Variants in GABRB2 observed in about 807,000 individuals in gnomAD.
GABRB2 encodes the protein gamma-aminobutyric acid type A receptor subunit beta2.
GABRB2 carries 16 observed loss-of-function variants against 54.7 expected under a neutral mutation model. The observed-to-expected ratio is 0.29, with a 90% confidence interval of 0.20 to 0.44. GABRB2 has a LOEUF of 0.44. Ranked by LOEUF, GABRB2 falls within the 20% of genes least tolerant of loss-of-function variation. The pLI is 1.00. For synonymous variants in GABRB2, 244 were observed against 233.8 expected, an observed-to-expected ratio of 1.04 and a Z score of -0.40; for missense variants, 355 against 644.0, an observed-to-expected ratio of 0.55 and a Z score of 4.86.
At chr5:161,412,429 AG>A (rs1302682325) in intron 4 of GABRB2, among the ~76,000 whole-genome samples, 2 of 151,988 alleles carry the variant, frequency 1.3e-5, no homozygotes, top group African/African-American at 4.8e-5. Context: ...CTCCCCTCTG[AG>A]TCTACATCCC....
chr5:161,370,541 C>T (rs1278229629), intron 5 of GABRB2, among the ~76,000 whole-genome samples: 1 of 152,182 alleles, frequency 6.6e-6, no homozygotes, highest in East Asian at 1.9e-4. Flanking sequence ...GAGAAAACTG[C>T]TCTGTGACTT....
At position 161,300,190 on chromosome 5, in the gene GABRB2, G is replaced by A. The variant is rs562518577; in HGVS notation, c.1192-5762C>T. On this transcript the variant is annotated intron_variant, in intron 9 of 9. Transcript: ENST00000393959. ...TAAAGGGTAAAAGTGGAGAAAGCCT[G>A]CACGTAAACTACCCGTAAGTTTATT... Among the ~76,000 whole-genome samples the A allele has an allele frequency of 7.9e-5, 12 of 152,250 alleles. No individual in the cohort carries two copies. The South Asian group carries it at 2.5e-3, about 32-fold the overall frequency.
chr5:161,372,715 A>AATGAAT (rs1755168080), intron 5 of GABRB2, among the ~76,000 whole-genome samples: 1 of 152,204 alleles, frequency 6.6e-6, no homozygotes, highest in Non-Finnish European at 1.5e-5. Flanking sequence ...GGCATGCTAC[A>AATGAAT]GAATTCATTC....
intron 9 of GABRB2, among the ~76,000 whole-genome samples, chr5:161,325,107 T>A (rs996168876): frequency 1.3e-5 from 2 of 152,102 alleles, no homozygotes; most frequent in African/African-American, 2.4e-5. Context: ...CTTCAATCAT[T>A]TTCATCATAA....
At chr5:161,359,178 A>C (rs2113448555) in intron 5 of GABRB2, among the ~76,000 whole-genome samples, 1 of 152,206 alleles carries the variant, frequency 6.6e-6, no homozygotes, top group East Asian at 1.9e-4. Flanking sequence ...AAGCACACTT[A>C]GTCCAAACTG....
intron 4 of GABRB2, among the ~76,000 whole-genome samples, chr5:161,423,440 C>T (rs1030069781): frequency 1.3e-5 from 2 of 152,138 alleles, no homozygotes; most frequent in African/African-American, 4.8e-5. Flanking sequence ...GTGCTCACTT[C>T]CTGTCTCTGT....
intron 5 of GABRB2, among the ~76,000 whole-genome samples, chr5:161,348,295 T>C (rs1754377252): frequency 1.3e-5 from 2 of 152,042 alleles, no homozygotes. Flanking sequence ...CTAATGAATA[T>C]AAATAACGTT....
intron 5 of GABRB2, among the ~76,000 whole-genome samples, chr5:161,408,813 T>C (rs963204141): frequency 5.3e-5 from 8 of 151,364 alleles, no homozygotes; most frequent in Admixed American, 3.3e-4. Context: ...GGAAGACAGA[T>C]GGGAGAAAGA....
At chr5:161,545,334 T>C in intron 2 of GABRB2, 40 bp from the exon 3 acceptor site, 1 of 1,506,598 alleles carries the variant, frequency 6.6e-7, no homozygotes, top group Non-Finnish European at 9.1e-7. Flanking sequence ...TTCTTTGAAC[T>C]TCATTCATTC....
chr5:161,306,169 A>G (rs2113354318), intron 9 of GABRB2, among the ~76,000 whole-genome samples: 1 of 152,350 alleles, frequency 6.6e-6, no homozygotes, highest in African/African-American at 2.4e-5. Context: ...GTTTGGACAT[A>G]CAAAACCAGT....
intron 4 of GABRB2, among the ~76,000 whole-genome samples, chr5:161,414,395 G>A (rs1297616523): frequency 6.6e-6 from 1 of 152,110 alleles, no homozygotes; most frequent in Non-Finnish European, 1.5e-5. Context: ...CTGCTAACGT[G>A]TAGATACTGT....
chr5:161,499,856 T>A (rs1260309945), intron 3 of GABRB2, among the ~76,000 whole-genome samples: 4 of 152,140 alleles, frequency 2.6e-5, no homozygotes, highest in Non-Finnish European at 4.4e-5. Flanking sequence ...TCTCTATTAA[T>A]AATTTTTTTT....
intron 4 of GABRB2, among the ~76,000 whole-genome samples, chr5:161,436,023 T>C (rs1175220675): frequency 6.6e-6 from 1 of 152,166 alleles, no homozygotes; most frequent in Admixed American, 6.6e-5. Flanking sequence ...ACAGGGGCAA[T>C]ACAGAGTAAC....
Position 161,294,088 on chromosome 5 carries a change from A to G in GABRB2, c.1532T>C (p.Val511Ala). ...FFNIVYWLYYVN is the reference protein window; with the variant it reads ...FFNIVYWLYYAN Reference sequence around the variant, plus strand: ...CCAGTGGGAGGCCATGTTTTAGTTCACATAATAAAGCCAATAGACGATGTT... The same window carrying G: ...CCAGTGGGAGGCCATGTTTTAGTTCGCATAATAAAGCCAATAGACGATGTT... Residue 511 changes from valine (V) to alanine (A), a missense_variant, in exon 10 of 10, where the codon GTG becomes GCG. Val to Ala is a moderately conservative substitution (Grantham distance 64). This residue lies in a region of GABRB2 where 201 missense variants were observed against 228.1 expected (regional missense o/e 0.88). Coordinates refer to ENST00000393959, the MANE Select transcript of GABRB2 (RefSeq NM_001371727.1). 6.2e-7 allele frequency: 1 copy of G among 1,609,562 alleles called. No individual in the cohort carries two copies. Among genetic ancestry groups the G allele is most frequent in the Non-Finnish European group, 8.5e-7 (1 of 1,176,310 alleles).
intron 4 of GABRB2, among the ~76,000 whole-genome samples, chr5:161,420,587 C>T (rs1451202740): frequency 2.0e-5 from 3 of 152,188 alleles, no homozygotes; most frequent in African/African-American, 4.8e-5. Flanking sequence ...GCCAGGTTGC[C>T]CTGTCTTGCT....
chr5:161,425,785 T>C (rs1041106648), intron 4 of GABRB2, among the ~76,000 whole-genome samples: 2 of 152,160 alleles, frequency 1.3e-5, no homozygotes, highest in Admixed American at 6.6e-5. Context: ...CATGAGGACA[T>C]AGCTTACATT....
chr5:161,478,182 G>T (rs2964775), intron 3 of GABRB2, among the ~76,000 whole-genome samples: 86,908 of 151,686 alleles, frequency 0.57, 26,323 homozygotes, highest in South Asian at 0.73. Context: ...CAGAGAGATC[G>T]GTTTGTTCAA....
intron 3 of GABRB2, among the ~76,000 whole-genome samples, chr5:161,537,358 C>A (rs1760670817): frequency 1.3e-5 from 2 of 152,144 alleles, no homozygotes; most frequent in African/African-American, 2.4e-5. Context: ...CCTATATTTT[C>A]CAATCGCCTG....
At chr5:161,524,321 A>G (rs562609970) in intron 3 of GABRB2, among the ~76,000 whole-genome samples, 1 of 151,856 alleles carries the variant, frequency 6.6e-6, no homozygotes, top group South Asian at 2.1e-4. Flanking sequence ...TAGAAATGTG[A>G]CAGTAAAATA....
Sources: allele counts gnomAD v4.1 joint callset (sites outside exome capture counted in the v4.1 genomes callset), GRCh38; gene constraint gnomAD v4.1.1; regional missense constraint gnomAD v4.1.1; transcripts MANE v1.5; gene names NCBI Gene and HGNC (gene_info 2026-07-23, HGNC 2026-07-21).